Variants in NR5A2 observed in about 807,000 individuals in gnomAD.
NR5A2 encodes the protein nuclear receptor subfamily 5 group A member 2, also known as CYP7A promoter-binding factor.
A neutral mutation model predicts 62.7 loss-of-function variants in NR5A2; 26 were observed. That is an observed-to-expected ratio of 0.41 (90% CI 0.30 to 0.58). The LOEUF (loss-of-function observed/expected upper bound fraction) is 0.58, where lower values mean the gene tolerates loss of function less well. Ranked by LOEUF, NR5A2 falls within the 20% of genes least tolerant of loss-of-function variation. The pLI is 0.22. For synonymous variants in NR5A2, 246 were observed against 241.7 expected (o/e 1.02, Z -0.16); for missense variants, 541 against 669.1 (o/e 0.81, Z 2.11).
At chr1:200,148,986 TAAAAC>T (rs1270063903) in intron 7 of NR5A2, among the ~76,000 whole-genome samples, 1 of 151,138 alleles carries the variant, frequency 6.6e-6, no homozygotes, top group African/African-American at 2.4e-5. Flanking sequence ...AATCTCAACT[TAAAAC>T]AACCAACAAC....
At chr1:200,151,777 A>G (rs116353297) in intron 7 of NR5A2, among the ~76,000 whole-genome samples, 1,623 of 152,344 alleles carry the variant, frequency 0.011, 23 homozygotes, top group Middle Eastern at 0.037. Flanking sequence ...TCTTAAGGTC[A>G]TCAGGATAGT....
intron 7 of NR5A2, among the ~76,000 whole-genome samples, chr1:200,130,440 T>TTGC (rs886269322): frequency 5.9e-5 from 9 of 152,170 alleles, no homozygotes; most frequent in African/African-American, 2.2e-4. Context: ...GGTGTACCAT[T>TTGC]TGCTATATGG....
chr1:200,086,136 GT>G (rs1419153793), intron 5 of NR5A2, among the ~76,000 whole-genome samples: 1 of 152,112 alleles, frequency 6.6e-6, no homozygotes, highest in Non-Finnish European at 1.5e-5. Flanking sequence ...TTGAGTTAGG[GT>G]GGAGAAAATG....
chr1:200,073,760 TA>T (rs1663866891), intron 5 of NR5A2, among the ~76,000 whole-genome samples: 1 of 152,040 alleles, frequency 6.6e-6, no homozygotes, highest in Non-Finnish European at 1.5e-5. Context: ...GATTAATTAA[TA>T]TAGCAAACAT....
At chr1:200,111,146 G>T in intron 5 of NR5A2, 56 bp from the exon 6 acceptor site, 1 of 1,589,010 alleles carries the variant, frequency 6.3e-7, no homozygotes, top group South Asian at 1.1e-5. Context: ...AAAAAGTAGT[G>T]AATAACAGTG....
chr1:200,148,123 C>G (rs564621635), intron 7 of NR5A2: 5 of 340,870 alleles, frequency 1.5e-5, no homozygotes, highest in Non-Finnish European at 1.5e-5. Flanking sequence ...TTCTCAAAGT[C>G]CTCCTTGCCC....
intron 5 of NR5A2, among the ~76,000 whole-genome samples, chr1:200,080,207 C>T (rs1664232522): frequency 6.6e-6 from 1 of 152,088 alleles, no homozygotes; most frequent in Non-Finnish European, 1.5e-5. Flanking sequence ...TGTCTAATGG[C>T]TCAAATGTTA....
At chr1:200,095,232 T>C (rs1012130356) in intron 5 of NR5A2, among the ~76,000 whole-genome samples, 15 of 151,912 alleles carry the variant, frequency 9.9e-5, no homozygotes, top group African/African-American at 2.9e-4. Context: ...CCCTCCCACA[T>C]CAGCCTCCTG....
intron 5 of NR5A2, among the ~76,000 whole-genome samples, chr1:200,070,228 C>G (rs1032257457): frequency 3.9e-5 from 6 of 152,002 alleles, no homozygotes; most frequent in African/African-American, 1.2e-4. Flanking sequence ...GATGGCAGAG[C>G]CCCTTTGTGC....
At chr1:200,155,777 G>A (rs1397937544) in intron 7 of NR5A2, among the ~76,000 whole-genome samples, 2 of 151,886 alleles carry the variant, frequency 1.3e-5, no homozygotes, top group East Asian at 1.9e-4. Context: ...GGGTTCAAGC[G>A]ATTCTCCTGC....
intron 5 of NR5A2, among the ~76,000 whole-genome samples, chr1:200,104,698 C>T (rs890116596): frequency 2.6e-5 from 4 of 152,248 alleles, no homozygotes; most frequent in Admixed American, 1.3e-4. Flanking sequence ...AGTCTCACTC[C>T]GTCACCCAGG....
At chr1:200,172,313 T>A (rs976793813) in intron 7 of NR5A2, among the ~76,000 whole-genome samples, 2 of 152,198 alleles carry the variant, frequency 1.3e-5, no homozygotes, top group African/African-American at 4.8e-5. Flanking sequence ...AAATCATTTT[T>A]AAAATATATT....
At chr1:200,093,690 AT>A (rs1356488377) in intron 5 of NR5A2, among the ~76,000 whole-genome samples, 1 of 152,240 alleles carries the variant, frequency 6.6e-6, no homozygotes, top group African/African-American at 2.4e-5. Context: ...TGCTGTGCAC[AT>A]GAGCAGGTGG....
intron 5 of NR5A2, among the ~76,000 whole-genome samples, chr1:200,073,286 ATATATTCCCCTT>A (rs1219550889): frequency 1.0e-4 from 10 of 97,780 alleles, no homozygotes; most frequent in African/African-American, 1.7e-4. Flanking sequence ...ATATATATAT[ATATATTCCCCTT>A]TATATATATA....
In NR5A2 at chr1:200,027,761, A is replaced by C. The variant is rs865999887; in HGVS notation, c.-87A>C. ...TACTGTAGTCTGATGTGTCCTTCCC[A>C]AGGCCACGAAATTTGACAAGCTGCA... On this transcript the variant is annotated 5_prime_UTR_variant, in exon 1 of 8. Coordinates refer to ENST00000367362, the MANE Select transcript of NR5A2 (RefSeq NM_205860.3). The C allele has an allele frequency of 1.3e-5, 12 of 937,730 alleles. No homozygotes were observed. The highest frequency in any genetic ancestry group is 2.2e-4 in the Middle Eastern group (1 of 4,638). 58.1% of individuals were successfully genotyped at this position (937,730 alleles called of 1,614,324 possible).
In NR5A2 at chr1:200,031,569, AC is replaced by A. The variant is rs1340645570; in HGVS notation, c.64+3660del. 8.3e-5 allele frequency among the ~76,000 whole-genome samples: 10 copies of A among 120,008 alleles called. No individual in the cohort carries two copies. In the South Asian group the frequency reaches 2.4e-3, roughly 29 times the overall value. The allele number at this position is 120,008 out of a possible 152,430, so 78.7% of individuals were successfully genotyped here. The stretch of plus-strand genomic sequence containing the variant: ...AAAAAAGGATTTCTTTTTCTTTAAC[AC>A]CTTTTTTTTTTTTTTTTTTTTTTTT... On this transcript the variant is annotated intron_variant, in intron 1 of 7. Transcript: ENST00000367362.
Position 200,120,740 on chromosome 1 carries a change from C to T in NR5A2, c.1231-68C>T, listed in dbSNP as rs369393142. 39 of 1,444,898 alleles carry T rather than the reference C, an allele frequency of 2.7e-5. No individual in the cohort carries two copies. The African/African-American group carries it at 5.6e-4, about 21-fold the overall frequency. 89.5% of individuals were successfully genotyped at this position (1,444,898 alleles called of 1,614,324 possible). A position where few individuals can be genotyped will look rare whatever the true frequency, so the allele number is the denominator to read the frequency against. On this transcript the variant is annotated intron_variant, in intron 6 of 7. Coordinates refer to ENST00000367362, the MANE Select transcript of NR5A2 (RefSeq NM_205860.3). The stretch of plus-strand genomic sequence containing the variant: ...TTGCAATCTGATTTTACCCATAGTT[C>T]TTACGACTCAGGTGAAATACATATT...
At position 200,080,042 on chromosome 1, in the gene NR5A2, G is replaced by A. The variant is rs552292951; in HGVS notation, c.1111-31160G>A. 2.0e-3 allele frequency among the ~76,000 whole-genome samples: 306 copies of A among 152,270 alleles called. 1 individual carries two copies. Among genetic ancestry groups the A allele is most frequent in the Non-Finnish European group, 3.0e-3 (203 of 68,012 alleles). On this transcript the variant is annotated intron_variant, in intron 5 of 7. Transcript: ENST00000367362. The stretch of plus-strand genomic sequence containing the variant: ...CTGTTTTGCACTCCCCAGGCTTTTA[G>A]CAAATGGCTTACTCTATTTTTCTTT...
chr1:200,145,747 CT>C (rs1667672775), intron 7 of NR5A2, among the ~76,000 whole-genome samples: 1 of 152,114 alleles, frequency 6.6e-6, no homozygotes, highest in Non-Finnish European at 1.5e-5. Context: ...CCTCAGCCTC[CT>C]GAGTAGCTGG....
Sources: gnomAD v4.1 joint callset for allele counts (sites outside exome capture counted in the v4.1 genomes callset) on GRCh38, gnomAD v4.1.1 for gene constraint, MANE v1.5 for transcripts, NCBI Gene and HGNC (gene_info 2026-07-23, HGNC 2026-07-21) for gene names.